The following NDRG1 variants were observed in gnomAD, a reference collection of about 807,000 sequenced individuals.
NDRG1 encodes the protein protein NDRG1.
In NDRG1, 32 loss-of-function variants were observed where a neutral mutation model predicts 56.9. That is an observed-to-expected ratio of 0.56 (90% CI 0.42 to 0.76). The LOEUF is 0.76. Among genes scored for constraint, NDRG1 ranks in the 30% least tolerant of loss-of-function variants. The probability of loss-of-function intolerance (pLI) is 0.00; values close to 1 mark genes in which losing one functional copy is unlikely to be tolerated. For synonymous variants in NDRG1, 211 were observed against 204.1 expected (o/e 1.03, Z -0.29); for missense variants, 507 against 545.7 (o/e 0.93, Z 0.71).
chr8:133,261,366 G>A (rs185399378), intron 5 of NDRG1, among the ~76,000 whole-genome samples: 5 of 152,258 alleles, frequency 3.3e-5, no homozygotes, highest in East Asian at 3.9e-4. Flanking sequence ...TCCCAACCTC[G>A]GTGGTCCGCC....
chr8:133,256,855 G>A lies in NDRG1; in HGVS notation c.459C>T (p.Asn153=), dbSNP rs1362437196. 1 of 1,613,980 alleles carries A rather than the reference G, an allele frequency of 6.2e-7. No homozygotes were observed. The highest frequency in any genetic ancestry group is 1.3e-5 in the African/African-American group (1 of 74,936). ...GGACAAGGCCCTCCACCATCTCAGG[G>A]TTGTTTAGCTGCAATTCAAGACACA... ...AYILTRFALN[N]PEMVEGLVLI... The change falls in exon 8 of 16, where the codon AAC becomes AAT. Residue 153 remains asparagine (N), a synonymous_variant. Coordinates refer to ENST00000323851, the MANE Select transcript of NDRG1 (RefSeq NM_006096.4).
intron 2 of NDRG1, among the ~76,000 whole-genome samples, chr8:133,281,667 A>G (rs1233649444): frequency 1.3e-5 from 2 of 152,180 alleles, no homozygotes; most frequent in African/African-American, 4.8e-5. Flanking sequence ...TGAGGGGAAC[A>G]GGATGATGGA....
At chr8:133,280,181 A>G (rs1421580538) in intron 3 of NDRG1, 51 bp downstream of exon 3, 9 of 1,605,188 alleles carry the variant, frequency 5.6e-6, no homozygotes, top group Non-Finnish European at 7.7e-6. Flanking sequence ...GAAAAAGGAA[A>G]AAGAGAAGAC....
intron 12 of NDRG1, 84 bp downstream of exon 12, chr8:133,247,791 G>C: frequency 1.4e-6 from 2 of 1,411,360 alleles, no homozygotes; most frequent in East Asian, 2.3e-5. Flanking sequence ...GAGGAGAGGA[G>C]GGGCAGGCAG....
chr8:133,291,697 T>C (rs891224394), intron 1 of NDRG1, among the ~76,000 whole-genome samples: 1 of 152,042 alleles, frequency 6.6e-6, no homozygotes, highest in African/African-American at 2.4e-5. Context: ...AAAACCACAG[T>C]AGGAACTCCT....
At chr8:133,283,246 C>T (rs1179485893) in intron 2 of NDRG1, among the ~76,000 whole-genome samples, 1 of 152,214 alleles carries the variant, frequency 6.6e-6, no homozygotes, top group Non-Finnish European at 1.5e-5. Context: ...GAAATACGGT[C>T]GGCGGAGAAG....
chr8:133,284,402 C>T, intron 1 of NDRG1, 73 bp from the exon 2 acceptor site: 1 of 1,421,092 alleles, frequency 7.0e-7, no homozygotes. Flanking sequence ...AATCCAAGAC[C>T]AATGGCAAGA....
At chr8:133,274,593 C>T (rs1241876678) in intron 3 of NDRG1, among the ~76,000 whole-genome samples, 1 of 152,196 alleles carries the variant, frequency 6.6e-6, no homozygotes, top group Non-Finnish European at 1.5e-5. Flanking sequence ...GCCATTAAGG[C>T]ACAGCAACTC....
intron 1 of NDRG1, among the ~76,000 whole-genome samples, chr8:133,292,542 G>A (rs1225120860): frequency 6.6e-6 from 1 of 152,160 alleles, no homozygotes; most frequent in Non-Finnish European, 1.5e-5. Flanking sequence ...CTGGAGAAAG[G>A]AGGAGAGTTC....
intron 1 of NDRG1, among the ~76,000 whole-genome samples, chr8:133,292,265 C>T (rs1006400067): frequency 2.0e-5 from 3 of 152,194 alleles, no homozygotes; most frequent in Admixed American, 1.3e-4. Flanking sequence ...ATACAGAACC[C>T]TTTGTCCCGA....
intron 4 of NDRG1, among the ~76,000 whole-genome samples, chr8:133,262,553 T>C (rs1320011883): frequency 6.6e-6 from 1 of 152,062 alleles, no homozygotes; most frequent in Non-Finnish European, 1.5e-5. Flanking sequence ...CCATCTGGGG[T>C]ACTGGTCCAG....
chr8:133,293,053 T>C (rs1447461944), intron 1 of NDRG1, among the ~76,000 whole-genome samples: 3 of 152,134 alleles, frequency 2.0e-5, no homozygotes, highest in Non-Finnish European at 4.4e-5. Context: ...GTGCTGGGGC[T>C]TACGCCCCAC....
At chr8:133,259,324 G>T in intron 5 of NDRG1, 94 bp from the exon 6 acceptor site, 1 of 1,310,024 alleles carries the variant, frequency 7.6e-7, no homozygotes, top group Non-Finnish European at 1.1e-6. Context: ...CCATGCAGCA[G>T]CCTGCCCCAT....
At chr8:133,252,243 G>A (rs541156361) in intron 9 of NDRG1, among the ~76,000 whole-genome samples, 3 of 152,248 alleles carry the variant, frequency 2.0e-5, no homozygotes, top group Admixed American at 6.5e-5. Flanking sequence ...TTACAGGCGC[G>A]TGCCACCACA....
chr8:133,239,165 G>C, intron 15 of NDRG1, 46 bp from the exon 16 acceptor site: 3 of 1,548,932 alleles, frequency 1.9e-6, no homozygotes, highest in Non-Finnish European at 2.6e-6. Context: ...AGACTGCCAG[G>C]TGAGGAGCCA....
At chr8:133,247,710 C>T (rs970130875) in intron 12 of NDRG1, among the ~76,000 whole-genome samples, 165 bp downstream of exon 12, 6 of 152,208 alleles carry the variant, frequency 3.9e-5, no homozygotes, top group African/African-American at 1.4e-4. Context: ...GGGAAAGAGA[C>T]TGAGTGGCTG....
rs140398523 is a variant in NDRG1, at chr8:133,277,651, G to A, written c.99+2581C>T. 5.6e-3 allele frequency among the ~76,000 whole-genome samples: 850 copies of A among 152,280 alleles called. 4 individuals carry two copies. Among genetic ancestry groups the A allele is most frequent in the Non-Finnish European group, 0.01 (705 of 68,014 alleles). On this transcript the variant is annotated intron_variant, in intron 3 of 15. Coordinates refer to ENST00000323851, the MANE Select transcript of NDRG1 (RefSeq NM_006096.4). ...GGAATATGAATGTACTTAATATGAC[G>A]GAACTGTACATTTAAAAGTAGTTAA...
intron 1 of NDRG1, among the ~76,000 whole-genome samples, chr8:133,294,865 C>T (rs1224290680): frequency 1.3e-5 from 2 of 152,214 alleles, no homozygotes; most frequent in African/African-American, 4.8e-5. Flanking sequence ...TTCCTTTCGC[C>T]CCTCCATAGC....
chr8:133,291,082 C>T lies in NDRG1; in HGVS notation c.-19+6052G>A, dbSNP rs1167070261. Among the ~76,000 whole-genome samples, 5 of 152,120 alleles carry T rather than the reference C, an allele frequency of 3.3e-5. No homozygotes were observed. In the East Asian group the frequency reaches 5.8e-4, roughly 18 times the overall value. ...CCCTCGGGGGAGGGCGGACAACAGT[C>T]CCCTGGAGGCCTTCAGTGAAGCAGA... On this transcript the variant is annotated intron_variant, in intron 1 of 15. Coordinates refer to ENST00000323851, the MANE Select transcript of NDRG1 (RefSeq NM_006096.4).
Sources: allele counts gnomAD v4.1 joint callset (sites outside exome capture counted in the v4.1 genomes callset), GRCh38; gene constraint gnomAD v4.1.1; transcripts MANE v1.5; gene names NCBI Gene and HGNC (gene_info 2026-07-23, HGNC 2026-07-21).